CPA6: variants seen among roughly 807,000 people sequenced by gnomAD.
The protein encoded by CPA6 is carboxypeptidase A6, also known as carboxypeptidase B.
In CPA6, 58 loss-of-function variants were observed where a neutral mutation model predicts 63.3. That is an observed-to-expected ratio of 0.92 (90% CI 0.74 to 1.14). The LOEUF (loss-of-function observed/expected upper bound fraction) is 1.14, where lower values mean the gene tolerates loss of function less well. Among genes scored for constraint, CPA6 ranks in the 50% most tolerant of loss-of-function variants. The pLI is 0.00. For missense variants in CPA6, 565 were observed against 526.6 expected (o/e 1.07, Z -0.71); for synonymous variants, 185 against 179.0 (o/e 1.03, Z -0.27).
chr8:67,582,067 T>C (rs1281443489), intron 2 of CPA6, among the ~76,000 whole-genome samples: 1 of 152,094 alleles, frequency 6.6e-6, no homozygotes, highest in East Asian at 1.9e-4. Flanking sequence ...TGGAAAGTTA[T>C]TTTGTCAGGG....
intron 1 of CPA6, among the ~76,000 whole-genome samples, chr8:67,650,724 G>C (rs148434958): frequency 6.6e-6 from 1 of 152,100 alleles, no homozygotes; most frequent in African/African-American, 2.4e-5. Context: ...ATGGGAGACT[G>C]TCTACGATGT....
intron 8 of CPA6, among the ~76,000 whole-genome samples, chr8:67,446,945 C>T (rs1810432284): frequency 6.6e-6 from 1 of 151,986 alleles, no homozygotes; most frequent in South Asian, 2.1e-4. Flanking sequence ...CATATGTACT[C>T]ACACACCATG....
At chr8:67,730,457 T>G (rs1817685280) in intron 1 of CPA6, among the ~76,000 whole-genome samples, 1 of 152,168 alleles carries the variant, frequency 6.6e-6, no homozygotes, top group African/African-American at 2.4e-5. Context: ...CTGTCCTTTT[T>G]GGGTTTTTAT....
intron 1 of CPA6, among the ~76,000 whole-genome samples, chr8:67,729,092 A>G (rs1018851365): frequency 6.6e-6 from 1 of 152,222 alleles, no homozygotes; most frequent in Non-Finnish European, 1.5e-5. Flanking sequence ...TCCTGAAAGC[A>G]TGGTGCCTGA....
intron 8 of CPA6, among the ~76,000 whole-genome samples, chr8:67,444,742 A>T (rs764078290): frequency 6.7e-6 from 1 of 149,440 alleles, no homozygotes; most frequent in African/African-American, 2.5e-5. Flanking sequence ...ACTGCACCCC[A>T]CTCTGGGCAA....
intron 2 of CPA6, among the ~76,000 whole-genome samples, chr8:67,606,803 G>A (rs1423649532): frequency 2.0e-5 from 3 of 152,122 alleles, no homozygotes; most frequent in Admixed American, 6.5e-5. Flanking sequence ...TATTCTTCCT[G>A]GCCACATCTA....
chr8:67,495,153 C>T (rs1811683325), intron 6 of CPA6, among the ~76,000 whole-genome samples: 1 of 152,138 alleles, frequency 6.6e-6, no homozygotes, highest in Non-Finnish European at 1.5e-5. Context: ...GTGTTGGGTA[C>T]TTTCCTTCAG....
chr8:67,518,089 G>A (rs760472370), intron 2 of CPA6, 42 bp from the exon 3 acceptor site: 1 of 1,489,482 alleles, frequency 6.7e-7, no homozygotes, highest in East Asian at 2.4e-5. Flanking sequence ...TCCAACGTAG[G>A]GGGGGAAAAT....
intron 2 of CPA6, among the ~76,000 whole-genome samples, chr8:67,588,590 T>G (rs1814012536): frequency 6.6e-6 from 1 of 152,148 alleles, no homozygotes; most frequent in South Asian, 2.1e-4. Context: ...ATGGCAGAAA[T>G]TCTATAGCCC....
chr8:67,443,946 T>G (rs1023027215), intron 8 of CPA6, among the ~76,000 whole-genome samples: 9 of 152,040 alleles, frequency 5.9e-5, no homozygotes, highest in Admixed American at 1.3e-4. Flanking sequence ...AGGTGGGGTT[T>G]GATAACATCT....
chr8:67,562,030 A>C (rs1813225010), intron 2 of CPA6, among the ~76,000 whole-genome samples: 1 of 152,214 alleles, frequency 6.6e-6, no homozygotes, highest in African/African-American at 2.4e-5. Context: ...ATGAGAATTT[A>C]TAATGGTGAA....
intron 1 of CPA6, among the ~76,000 whole-genome samples, chr8:67,688,773 T>C (rs1461759331): frequency 6.6e-6 from 1 of 152,198 alleles, no homozygotes; most frequent in Non-Finnish European, 1.5e-5. Flanking sequence ...TTATTTCTTT[T>C]TCTGTCCACC....
intron 1 of CPA6, among the ~76,000 whole-genome samples, chr8:67,642,170 T>C (rs955210801): frequency 6.6e-6 from 1 of 152,040 alleles, no homozygotes; most frequent in African/African-American, 2.4e-5. Flanking sequence ...ATACAAGAAT[T>C]AGCTGGGTAT....
At chr8:67,743,962 A>T (rs968262919) in intron 1 of CPA6, among the ~76,000 whole-genome samples, 1 of 152,222 alleles carries the variant, frequency 6.6e-6, no homozygotes, top group Non-Finnish European at 1.5e-5. Flanking sequence ...ATAACTTTGG[A>T]TGGATGAAAC....
At chr8:67,715,882 G>A (rs1484131337) in intron 1 of CPA6, among the ~76,000 whole-genome samples, 2 of 152,116 alleles carry the variant, frequency 1.3e-5, no homozygotes, top group African/African-American at 4.8e-5. Context: ...GGCAGGGCGC[G>A]GTGGCTCAGG....
intron 8 of CPA6, among the ~76,000 whole-genome samples, chr8:67,472,496 C>T (rs1165752230): frequency 1.3e-5 from 2 of 151,922 alleles, no homozygotes; most frequent in Non-Finnish European, 2.9e-5. Context: ...ACAGCCTGGG[C>T]TCAGTGCAAC....
intron 2 of CPA6, among the ~76,000 whole-genome samples, chr8:67,552,541 A>G (rs1200838837): frequency 1.3e-5 from 2 of 152,120 alleles, no homozygotes; most frequent in Middle Eastern, 3.2e-3. Flanking sequence ...TGGGAGGCCA[A>G]GGCGGGCGGA....
At chr8:67,684,268 C>CT (rs1201879353) in intron 1 of CPA6, among the ~76,000 whole-genome samples, 1 of 151,892 alleles carries the variant, frequency 6.6e-6, no homozygotes, top group Admixed American at 6.6e-5. Context: ...ATGTTAGGAG[C>CT]TTGTCTTACA....
At chr8:67,496,873 T>C (rs1563976353) in intron 6 of CPA6, among the ~76,000 whole-genome samples, 1 of 152,050 alleles carries the variant, frequency 6.6e-6, no homozygotes, top group East Asian at 1.9e-4. Context: ...ACTTTCATTA[T>C]CCAAAAAAGA....
Sources: allele counts gnomAD v4.1 joint callset (sites outside exome capture counted in the v4.1 genomes callset), GRCh38; gene constraint gnomAD v4.1.1; transcripts MANE v1.5; gene names NCBI Gene and HGNC (gene_info 2026-07-23, HGNC 2026-07-21).